Variants in ASTN2 observed in about 807,000 individuals in gnomAD.
ASTN2 encodes astrotactin-2.
In ASTN2, 54 loss-of-function variants were observed where a neutral mutation model predicts 139.8. The ratio of observed to expected loss-of-function variants is 0.39; its 90% confidence interval spans 0.31 to 0.48. ASTN2 has a LOEUF of 0.48. Among genes scored for constraint, ASTN2 ranks in the 20% least tolerant of loss-of-function variants. The probability of loss-of-function intolerance (pLI) is 0.95; values close to 1 mark genes in which losing one functional copy is unlikely to be tolerated. For synonymous variants in ASTN2, 756 were observed against 719.5 expected (o/e 1.05, Z -0.81); for missense variants, 1,565 against 1,725.1 (o/e 0.91, Z 1.64).
chr9:116,542,658 C>T (rs1851922753), intron 19 of ASTN2, among the ~76,000 whole-genome samples: 1 of 152,136 alleles, frequency 6.6e-6, no homozygotes, highest in South Asian at 2.1e-4. Context: ...TGTGGTGGCT[C>T]ATACCTGTAA....
chr9:117,219,971 C>T (rs1588097117), intron 2 of ASTN2, among the ~76,000 whole-genome samples: 1 of 152,134 alleles, frequency 6.6e-6, no homozygotes, highest in Non-Finnish European at 1.5e-5. Flanking sequence ...TTGCTGTTGG[C>T]TGTGACAAGT....
chr9:116,824,396 TC>T (rs869266587), intron 11 of ASTN2, among the ~76,000 whole-genome samples: 1 of 77,910 alleles, frequency 1.3e-5, no homozygotes, highest in East Asian at 5.6e-4. Context: ...TCTCTCTCTC[TC>T]ATCACTTGCT....
intron 1 of ASTN2, among the ~76,000 whole-genome samples, chr9:117,320,707 G>T (rs1828298686): frequency 6.6e-6 from 1 of 152,094 alleles, no homozygotes; most frequent in South Asian, 2.1e-4. Flanking sequence ...GAGCAGCACT[G>T]TCACATGTGC....
At chr9:117,010,880 C>T (rs543301497) in intron 6 of ASTN2, among the ~76,000 whole-genome samples, 1 of 152,310 alleles carries the variant, frequency 6.6e-6, no homozygotes, top group African/African-American at 2.4e-5. Context: ...TCTATCCTCA[C>T]ATTGGCCAGT....
chr9:116,580,010 C>T (rs191497683), intron 19 of ASTN2, among the ~76,000 whole-genome samples: 400 of 152,152 alleles, frequency 2.6e-3, no homozygotes, highest in African/African-American at 9.3e-3. Flanking sequence ...TTAGTAGAGA[C>T]GGGATTTCAC....
chr9:117,248,394 G>A (rs1189168993), intron 2 of ASTN2, among the ~76,000 whole-genome samples: 1 of 152,224 alleles, frequency 6.6e-6, no homozygotes, highest in African/African-American at 2.4e-5. Flanking sequence ...GAAATAGAAT[G>A]AGGAAAGACC....
intron 19 of ASTN2, among the ~76,000 whole-genome samples, chr9:116,508,472 G>A (rs185031783): frequency 6.6e-6 from 1 of 152,126 alleles, no homozygotes; most frequent in East Asian, 1.9e-4. Context: ...GGGTAGAAGT[G>A]TGTGTGAGTG....
chr9:116,472,841 C>A (rs1365027969), intron 20 of ASTN2, among the ~76,000 whole-genome samples: 1 of 150,604 alleles, frequency 6.6e-6, no homozygotes, highest in African/African-American at 2.4e-5. Flanking sequence ...GCAGGAGAAT[C>A]GCTTGAACCC....
intron 2 of ASTN2, among the ~76,000 whole-genome samples, chr9:117,261,464 T>C (rs1486780707): frequency 6.6e-6 from 1 of 152,214 alleles, no homozygotes; most frequent in Non-Finnish European, 1.5e-5. Flanking sequence ...TCCACTTTCA[T>C]GGCTATGCTT....
At chr9:117,300,283 T>C (rs1266293332) in intron 1 of ASTN2, among the ~76,000 whole-genome samples, 1 of 152,208 alleles carries the variant, frequency 6.6e-6, no homozygotes, top group Non-Finnish European at 1.5e-5. Context: ...GCAGCAAGCA[T>C]TTCCCCTTGC....
At chr9:117,037,164 C>T (rs1838406848) in intron 6 of ASTN2, among the ~76,000 whole-genome samples, 1 of 152,048 alleles carries the variant, frequency 6.6e-6, no homozygotes, top group Non-Finnish European at 1.5e-5. Flanking sequence ...AATTCCTGCC[C>T]TCACAGAGAT....
chr9:117,333,667 A>T (rs2130853152), intron 1 of ASTN2, among the ~76,000 whole-genome samples: 1 of 152,206 alleles, frequency 6.6e-6, no homozygotes, highest in Non-Finnish European at 1.5e-5. Context: ...ATTTTATTTT[A>T]CTTTATTATG....
chr9:116,767,683 A>G (rs1316641028), intron 13 of ASTN2, among the ~76,000 whole-genome samples: 2 of 152,158 alleles, frequency 1.3e-5, no homozygotes, highest in African/African-American at 2.4e-5. Context: ...ATCACAGAAC[A>G]GGGATATAAC....
chr9:117,123,939 G>C (rs1285957102), intron 4 of ASTN2, among the ~76,000 whole-genome samples: 1 of 152,160 alleles, frequency 6.6e-6, no homozygotes, highest in Non-Finnish European at 1.5e-5. Context: ...TTTGGAGGCT[G>C]ATGTCACCAC....
chr9:116,514,797 G>T (rs559811840), intron 19 of ASTN2, among the ~76,000 whole-genome samples: 73 of 152,282 alleles, frequency 4.8e-4, no homozygotes, highest in Admixed American at 3.8e-3. Context: ...CTCTGATCCT[G>T]GTGCGGGATA....
At chr9:116,458,572 C>T (rs764648355) in intron 20 of ASTN2, among the ~76,000 whole-genome samples, 3 of 151,448 alleles carry the variant, frequency 2.0e-5, no homozygotes, top group Non-Finnish European at 4.4e-5. Flanking sequence ...GATTAATATA[C>T]AAAAATCAAC....
chr9:116,460,788 C>T (rs1473844959), intron 20 of ASTN2, among the ~76,000 whole-genome samples: 1 of 152,114 alleles, frequency 6.6e-6, no homozygotes, highest in East Asian at 1.9e-4. Flanking sequence ...TGGTCTCCTC[C>T]AGCCTTAGTT....
intron 19 of ASTN2, among the ~76,000 whole-genome samples, chr9:116,542,224 C>A (rs562693500): frequency 2.6e-4 from 39 of 152,298 alleles, no homozygotes; most frequent in African/African-American, 9.1e-4. Context: ...TTAGAATAAG[C>A]AAATTCTCTT....
intron 10 of ASTN2, among the ~76,000 whole-genome samples, chr9:116,939,418 C>A (rs963015722): frequency 6.6e-6 from 1 of 151,520 alleles, no homozygotes; most frequent in Non-Finnish European, 1.5e-5. Context: ...TTATTATTAT[C>A]ATTATTCCAA....
Sources: gnomAD v4.1 joint callset for allele counts (sites outside exome capture counted in the v4.1 genomes callset) on GRCh38, gnomAD v4.1.1 for gene constraint, MANE v1.5 for transcripts, NCBI Gene and HGNC (gene_info 2026-07-23, HGNC 2026-07-21) for gene names.